EHBP1: variants seen among roughly 807,000 people sequenced by gnomAD.
EHBP1 encodes EH domain binding protein 1.
EHBP1 carries 55 observed loss-of-function variants against 144.0 expected under a neutral mutation model. That is an observed-to-expected ratio of 0.38 (90% CI 0.31 to 0.48). The LOEUF is 0.48. Among genes scored for constraint, EHBP1 ranks in the 20% least tolerant of loss-of-function variants. EHBP1 has a pLI of 0.98. For synonymous variants in EHBP1, 469 were observed against 472.7 expected (o/e 0.99, Z 0.10); for missense variants, 1,200 against 1,364.2 (o/e 0.88, Z 1.90).
At chr2:62,824,914 T>C (rs1379004198) in intron 5 of EHBP1, among the ~76,000 whole-genome samples, 1 of 151,982 alleles carries the variant, frequency 6.6e-6, no homozygotes, top group Non-Finnish European at 1.5e-5. Context: ...AAGGTATTAA[T>C]GGTAGTTTTT....
intron 10 of EHBP1, among the ~76,000 whole-genome samples, chr2:62,942,464 T>A (rs930908181): frequency 3.9e-5 from 6 of 152,238 alleles, no homozygotes; most frequent in African/African-American, 1.4e-4. Flanking sequence ...TCAGCAAAGC[T>A]CTTGGCCTGT....
At chr2:63,033,706 G>GA (rs1034907298) in intron 19 of EHBP1, among the ~76,000 whole-genome samples, 1 of 151,864 alleles carries the variant, frequency 6.6e-6, no homozygotes, top group African/African-American at 2.4e-5. Flanking sequence ...TACTACTTCT[G>GA]AAAAAATAAA....
At chr2:62,787,401 C>G (rs1004774914) in intron 5 of EHBP1, among the ~76,000 whole-genome samples, 3 of 116,682 alleles carry the variant, frequency 2.6e-5, no homozygotes, top group South Asian at 3.9e-4. Context: ...GCTGCCCCCC[C>G]CCCCCACCCC....
intron 19 of EHBP1, among the ~76,000 whole-genome samples, chr2:62,999,183 C>A (rs987991326): frequency 2.0e-5 from 3 of 152,044 alleles, no homozygotes; most frequent in African/African-American, 2.4e-5. Context: ...GGAGTTACGG[C>A]TTGAACCCAG....
intron 1 of EHBP1, among the ~76,000 whole-genome samples, chr2:62,674,642 G>T (rs767981996): frequency 1.3e-5 from 2 of 152,198 alleles, no homozygotes; most frequent in Admixed American, 1.3e-4. Context: ...AATGTGGATT[G>T]TAGTGCACAT....
chr2:62,926,757 A>G (rs184888907), intron 10 of EHBP1, among the ~76,000 whole-genome samples: 35 of 152,242 alleles, frequency 2.3e-4, no homozygotes, highest in Admixed American at 2.1e-3. Context: ...GCAAGCCACT[A>G]TAGCCGCTAT....
In EHBP1 at chr2:62,948,726, G is replaced by C; in HGVS notation, c.1880G>C (p.Arg627Thr). ...EPQKSQQSSG[R>T]TSGSDDPGIC... Reference sequence around the variant, plus strand: ...CAGAAGTCTCAGCAGAGCTCTGGAAGGACTTCAGGATCTGATGACCCTGGA... The same window carrying C: ...CAGAAGTCTCAGCAGAGCTCTGGAACGACTTCAGGATCTGATGACCCTGGA... The change falls in exon 13 of 23, where the codon AGG becomes ACG. Residue 627 changes from arginine (R) to threonine (T), a missense_variant. By Grantham distance (71) the Arg-to-Thr change is moderately conservative. This residue lies in a region of EHBP1 where 543 missense variants were observed against 513.1 expected (regional missense o/e 1.06). Transcript: ENST00000431489. 1 of 1,614,064 alleles carries C rather than the reference G, an allele frequency of 6.2e-7. No individual in the cohort carries two copies. Among genetic ancestry groups the C allele is most frequent in the Non-Finnish European group, 8.5e-7 (1 of 1,179,992 alleles).
chr2:62,755,512 C>T (rs2040197873), intron 3 of EHBP1, among the ~76,000 whole-genome samples: 2 of 151,906 alleles, frequency 1.3e-5, no homozygotes, highest in South Asian at 4.2e-4. Context: ...TTGGGCATAT[C>T]CCAAGGAAAG....
intron 7 of EHBP1, among the ~76,000 whole-genome samples, chr2:62,847,989 C>G (rs2048411851): frequency 6.6e-6 from 1 of 151,416 alleles, no homozygotes; most frequent in Admixed American, 6.6e-5. Context: ...AAGATTGGCA[C>G]TACTAAATGT....
chr2:63,036,288 A>G (rs1388586904), intron 19 of EHBP1, among the ~76,000 whole-genome samples: 4 of 152,068 alleles, frequency 2.6e-5, no homozygotes, highest in East Asian at 1.9e-4. Context: ...AATATGTAAT[A>G]TGAGCTTTTA....
At chr2:62,949,641 A>G (rs1218550769) in intron 13 of EHBP1, among the ~76,000 whole-genome samples, 1 of 152,220 alleles carries the variant, frequency 6.6e-6, no homozygotes, top group African/African-American at 2.4e-5. Context: ...CATCATTCTA[A>G]AAATGTATAA....
At position 63,038,782 on chromosome 2, in the gene EHBP1, G is replaced by A; in HGVS notation, c.3243G>A (p.Leu1081=). ...ATTTAGAACGACGGTATGAGCTGCT[G>A]AACCGGGAATTGAGGGCAATGCTAG... ...EHDLERRYEL[L]NRELRAMLAI... is the part of the protein sequence containing the mutation. The change falls in exon 21 of 23, where the codon CTG becomes CTA. Residue 1081 remains leucine, a synonymous_variant. Transcript: ENST00000431489. The A allele has an allele frequency of 6.2e-7, 1 of 1,613,546 alleles. No individual in the cohort carries two copies. Among genetic ancestry groups the A allele is most frequent in the East Asian group, 2.2e-5 (1 of 44,862 alleles).
chr2:63,024,601 C>CAA lies in EHBP1; in HGVS notation c.3104-12913_3104-12912dup, dbSNP rs35534053. On this transcript the variant is annotated intron_variant, in intron 19 of 22. Coordinates refer to ENST00000431489, the MANE Select transcript of EHBP1 (RefSeq NM_001142616.3). ...TTGGCAACACAGCAAGACCCTGTCT[C>CAA]AAAAAAAAAAAAAAAAAAAAAATTA... is the stretch of plus-strand genomic sequence containing the variant. 5.3e-3 allele frequency among the ~76,000 whole-genome samples: 571 copies of CAA among 107,360 alleles called. 1 individual carries two copies. Among genetic ancestry groups the CAA allele is most frequent in the Middle Eastern group, 0.027 (5 of 186 alleles). The allele number at this position is 107,360 out of a possible 152,430, so 70.4% of individuals were successfully genotyped here. A position where few individuals can be genotyped will look rare whatever the true frequency, so the allele number is the denominator to read the frequency against.
intron 2 of EHBP1, among the ~76,000 whole-genome samples, chr2:62,708,241 G>C (rs1425800228): frequency 6.6e-6 from 1 of 152,092 alleles, no homozygotes; most frequent in Non-Finnish European, 1.5e-5. Context: ...ACTAGTTTCT[G>C]AATGCTTTTC....
chr2:62,817,502 A>G (rs1221708958), intron 5 of EHBP1, among the ~76,000 whole-genome samples: 1 of 152,198 alleles, frequency 6.6e-6, no homozygotes, highest in African/African-American at 2.4e-5. Flanking sequence ...TCAAAGAGCA[A>G]AGTCAGGAAG....
intron 5 of EHBP1, among the ~76,000 whole-genome samples, chr2:62,773,526 A>G (rs1488673922): frequency 1.3e-4 from 20 of 152,072 alleles, no homozygotes; most frequent in Admixed American, 1.3e-3. Context: ...AATGAATGGT[A>G]TAGTTAAACT....
chr2:62,923,142 G>A (rs1558920124), intron 10 of EHBP1, among the ~76,000 whole-genome samples: 1 of 152,138 alleles, frequency 6.6e-6, no homozygotes, highest in East Asian at 1.9e-4. Flanking sequence ...TAACACTGGG[G>A]CTCCATCTTC....
At position 62,993,578 on chromosome 2, in the gene EHBP1, C is replaced by G. The variant is rs148087793; in HGVS notation, c.2782C>G (p.Arg928Gly). The G allele has an allele frequency of 1.3e-5, 21 of 1,605,930 alleles. No individual in the cohort carries two copies. Among genetic ancestry groups the G allele is most frequent in the Admixed American group, 6.7e-5 (4 of 59,650 alleles). ...RTERLQKTTE[R>G]FRNPVVFSKD... ...TGAACGATTACAAAAAACAACAGAACGTTTTAGAAATCCTGTTGTGTTCAG... is the reference window on the plus strand; with the variant it reads ...TGAACGATTACAAAAAACAACAGAAGGTTTTAGAAATCCTGTTGTGTTCAG... Residue 928 changes from arginine to glycine, a missense_variant, in exon 17 of 23, where the codon CGT (arginine) becomes GGT (glycine). By Grantham distance (125) the Arg-to-Gly change is moderately radical (BLOSUM62 -2). Around this residue, in one of 6 missense-constraint regions of EHBP1, gnomAD observed 543 missense variants for 513.1 expected, o/e 1.06. Transcript: ENST00000431489.
At chr2:62,740,491 A>C (rs2038600159) in intron 2 of EHBP1, among the ~76,000 whole-genome samples, 1 of 152,188 alleles carries the variant, frequency 6.6e-6, no homozygotes, top group African/African-American at 2.4e-5. Flanking sequence ...TTACTTGAGA[A>C]AAAGTAAAGT....
Sources: gnomAD v4.1 joint callset for allele counts (sites outside exome capture counted in the v4.1 genomes callset) on GRCh38, gnomAD v4.1.1 for gene constraint, gnomAD v4.1.1 regional missense constraint, MANE v1.5 for transcripts, NCBI Gene and HGNC (gene_info 2026-07-23, HGNC 2026-07-21) for gene names.